The following XDH variants were observed in gnomAD, a reference collection of about 807,000 sequenced individuals.
XDH encodes xanthine dehydrogenase, also known as xanthine dehydrogenase/oxidase.
XDH carries 138 observed loss-of-function variants against 156.1 expected under a neutral mutation model. The observed-to-expected ratio is 0.88, with a 90% CI of 0.77 to 1.02. The LOEUF (loss-of-function observed/expected upper bound fraction) is 1.02, where lower values mean the gene tolerates loss of function less well. Ranked by LOEUF, XDH falls within the 50% of genes least tolerant of loss-of-function variation. The pLI, the probability that XDH is intolerant of heterozygous loss-of-function variation, is 0.00. For missense variants in XDH, 1,849 were observed against 1,684.9 expected, an observed-to-expected ratio of 1.10 and a Z score of -1.71; for synonymous variants, 669 against 625.7, an observed-to-expected ratio of 1.07 and a Z score of -1.03.
At chr2:31,383,264 C>T in intron 10 of XDH, 112 bp from the exon 11 acceptor site, 1 of 1,522,108 alleles carries the variant, frequency 6.6e-7, no homozygotes, top group Non-Finnish European at 9.0e-7. Flanking sequence ...AATCAGGACT[C>T]ACAGCTTTCC....
intron 13 of XDH, among the ~76,000 whole-genome samples, chr2:31,377,449 A>C (rs1180453218): frequency 6.6e-6 from 1 of 152,192 alleles, no homozygotes; most frequent in Non-Finnish European, 1.5e-5. Flanking sequence ...CTGAAAAAAA[A>C]AACAGGATTT....
At chr2:31,397,586 C>T (rs1686944785) in intron 6 of XDH, 82 bp downstream of exon 6, 3 of 1,538,618 alleles carry the variant, frequency 1.9e-6, no homozygotes, top group Admixed American at 3.3e-5. Flanking sequence ...GACCAGAGGC[C>T]CTTGGTCTCC....
At chr2:31,380,320 C>T (rs186221583) in intron 12 of XDH, among the ~76,000 whole-genome samples, 164 of 152,306 alleles carry the variant, frequency 1.1e-3, no homozygotes, top group African/African-American at 3.8e-3. Context: ...CACAGCAACC[C>T]GGACTGCTGT....
chr2:31,372,724 G>C (rs986292195), intron 16 of XDH, among the ~76,000 whole-genome samples: 1 of 152,096 alleles, frequency 6.6e-6, no homozygotes, highest in Non-Finnish European at 1.5e-5. Context: ...TTAATTAGAA[G>C]GATTGTTCAT....
At chr2:31,355,933 T>A (rs537811195) in intron 24 of XDH, among the ~76,000 whole-genome samples, 6 of 152,214 alleles carry the variant, frequency 3.9e-5, no homozygotes, top group African/African-American at 1.4e-4. Context: ...GAAAAAGATA[T>A]AACATGCAAA....
chr2:31,407,048 T>C (rs1247476763), intron 1 of XDH, among the ~76,000 whole-genome samples: 2 of 152,222 alleles, frequency 1.3e-5, no homozygotes, highest in African/African-American at 2.4e-5. Context: ...TAAAAGGGTG[T>C]ATATTATTGG....
chr2:31,350,345 C>G, intron 24 of XDH, 122 bp from the exon 25 acceptor site: 1 of 813,062 alleles, frequency 1.2e-6, no homozygotes, highest in South Asian at 1.4e-5. Context: ...AGTTATTTCT[C>G]CCCCAGGATA....
intron 24 of XDH, among the ~76,000 whole-genome samples, chr2:31,351,791 G>C (rs916173036): frequency 2.0e-5 from 3 of 152,158 alleles, no homozygotes; most frequent in African/African-American, 7.2e-5. Context: ...TTGGAAGTAG[G>C]CTTTCCAGTT....
intron 1 of XDH, among the ~76,000 whole-genome samples, chr2:31,411,415 T>A (rs993909083): frequency 2.0e-5 from 3 of 151,974 alleles, no homozygotes; most frequent in Non-Finnish European, 4.4e-5. Context: ...TTATGTACAT[T>A]AATATATAGA....
In XDH at chr2:31,386,525, G is replaced by A. The variant is rs119460972; in HGVS notation, c.682C>T (p.Arg228Ter). The change falls in exon 9 of 36, where the codon CGA becomes TGA. Residue 228 changes from arginine (R) to a stop codon, truncating the protein, a stop_gained. Transcript: ENST00000379416. LOFTEE classifies it high-confidence loss of function. ...RLKDTPRKQLRFEGERVTWIQ... is the reference protein window; with the variant it reads ...RLKDTPRKQL ...CACGTCACACGCTCCCCTTCAAATCGCAGCTGCTTCCGAGGAGTGTCTTTC... is the reference window on the plus strand; with the variant it reads ...CACGTCACACGCTCCCCTTCAAATCACAGCTGCTTCCGAGGAGTGTCTTTC... 1.2e-5 allele frequency: 20 copies of A among 1,613,988 alleles called. No individual in the cohort carries two copies. In the South Asian group the frequency reaches 1.4e-4, roughly 12 times the overall value.
intron 4 of XDH, among the ~76,000 whole-genome samples, chr2:31,400,729 T>C (rs1354505187): frequency 1.3e-5 from 2 of 152,196 alleles, no homozygotes; most frequent in African/African-American, 4.8e-5. Flanking sequence ...TAACCTCCAG[T>C]CTAATGAAAG....
intron 6 of XDH, among the ~76,000 whole-genome samples, chr2:31,390,743 C>T (rs1412525976): frequency 6.6e-6 from 1 of 152,164 alleles, no homozygotes; most frequent in Non-Finnish European, 1.5e-5. Flanking sequence ...TTTCAATTTG[C>T]AATTCCCTAA....
At chr2:31,378,285 C>T (rs569781524) in intron 13 of XDH, among the ~76,000 whole-genome samples, 7 of 152,124 alleles carry the variant, frequency 4.6e-5, no homozygotes, top group Middle Eastern at 3.4e-3. Flanking sequence ...TTCCTGGGTT[C>T]GAGCCAGGAT....
chr2:31,344,103 T>C (rs1322382393), intron 31 of XDH, among the ~76,000 whole-genome samples: 1 of 152,190 alleles, frequency 6.6e-6, no homozygotes, highest in Non-Finnish European at 1.5e-5. Flanking sequence ...GGGCAGGGTC[T>C]CTAGCTATTC....
At chr2:31,371,705 T>C (rs1686076694) in intron 17 of XDH, among the ~76,000 whole-genome samples, 1 of 152,184 alleles carries the variant, frequency 6.6e-6, no homozygotes, top group African/African-American at 2.4e-5. Context: ...TGGACAAGTT[T>C]ATTTATCTGT....
chr2:31,375,429 T>G lies in XDH; in HGVS notation c.1553A>C (p.Lys518Thr). The change falls in exon 15 of 36, where the codon AAG becomes ACG. Residue 518 changes from lysine to threonine, a missense_variant. By Grantham distance (78) the Lys-to-Thr change is moderately conservative (BLOSUM62 -1). Coordinates refer to ENST00000379416, the MANE Select transcript of XDH (RefSeq NM_000379.4). ...CTTCTGAAGGACTGTCAGGTAGAAC[T>G]TGAAGAAGAAGCTGAGGGTGAGGGT... ...RCTLTLSFFFKFYLTVLQKLG... is the reference protein window; with the variant it reads ...RCTLTLSFFFTFYLTVLQKLG... The G allele has an allele frequency of 1.2e-6, 2 of 1,614,188 alleles. No individual in the cohort carries two copies. The highest frequency in any genetic ancestry group is 1.1e-5 in the South Asian group (1 of 91,082).
chr2:31,378,055 GAAGAAAGA>G (rs149074112), intron 13 of XDH, among the ~76,000 whole-genome samples: 1,127 of 65,496 alleles, frequency 0.017, 61 homozygotes, highest in African/African-American at 0.034. Context: ...AGAAAGAAAG[GAAGAAAGA>G]AAGAAAGAAA....
At chr2:31,359,402 G>A (rs1685714451) in intron 24 of XDH, among the ~76,000 whole-genome samples, 1 of 151,024 alleles carries the variant, frequency 6.6e-6, no homozygotes, top group South Asian at 2.1e-4. Flanking sequence ...ATTTACTCTT[G>A]GCCCTTTTAG....
intron 34 of XDH, among the ~76,000 whole-genome samples, chr2:31,339,115 T>C (rs1047880293): frequency 4.6e-5 from 7 of 152,118 alleles, no homozygotes; most frequent in Non-Finnish European, 8.8e-5. Context: ...ATGTGCTGAT[T>C]GTCATTGGAC....
Sources: gnomAD v4.1 joint callset for allele counts (sites outside exome capture counted in the v4.1 genomes callset) on GRCh38, gnomAD v4.1.1 for gene constraint, MANE v1.5 for transcripts, NCBI Gene and HGNC (gene_info 2026-07-23, HGNC 2026-07-21) for gene names.